Variants in GPSM3 observed in about 807,000 individuals in gnomAD.
The protein encoded by GPSM3 is G protein-signaling modulator 3.
GPSM3 carries 16 observed loss-of-function variants against 20.4 expected under a neutral mutation model. That is an observed-to-expected ratio of 0.78 (90% CI 0.53 to 1.19). The LOEUF is 1.19. Ranked by LOEUF, GPSM3 falls within the 50% of genes most tolerant of loss-of-function variation. The pLI is 0.00. For synonymous variants in GPSM3, 70 were observed against 79.6 expected (o/e 0.88, Z 0.64); for missense variants, 177 against 204.6 (o/e 0.86, Z 0.82).
At position 32,191,380 on chromosome 6, in the gene GPSM3, TG is replaced by T; in HGVS notation, c.468del (p.Thr157HisfsTer7). ...GGGCTCAAGTCTCAGCAGGTGTGTG[TG>T]GGGGGCCGGGACCTTTGCTCCTCCA... is the stretch of plus-strand genomic sequence containing the variant. ...GRMEEQRSRP[P>X]THTC On this transcript the variant is annotated frameshift_variant, in exon 4 of 4. Transcript: ENST00000375040. LOFTEE classifies it high-confidence loss of function. The surrounding 1 kb of genome is among the most constrained non-coding windows in gnomAD (Gnocchi z 5.9). 1 of 1,584,410 alleles carries T rather than the reference TG, an allele frequency of 6.3e-7. No homozygotes were observed. The highest frequency in any genetic ancestry group is 8.5e-7 in the Non-Finnish European group (1 of 1,170,028).
At position 32,191,181 on chromosome 6, in the gene GPSM3, G is replaced by T; in HGVS notation, c.*185C>A. On this transcript the variant is annotated 3_prime_UTR_variant, in exon 4 of 4. Coordinates refer to ENST00000375040, the MANE Select transcript of GPSM3 (RefSeq NM_001276501.2). The surrounding 1 kb of genome is among the most constrained non-coding windows in gnomAD (Gnocchi z 5.9). ...GTTAAATCCCTGTTCCATCTCGCCT[G>T]TTCCCAGAGTTTGAGGACTTTCACC... 1.5e-6 allele frequency: 1 copy of T among 685,778 alleles called. No individual in the cohort carries two copies. The highest frequency in any genetic ancestry group is 2.3e-6 in the Non-Finnish European group (1 of 432,722). 42.5% of individuals were successfully genotyped at this position (685,778 alleles called of 1,614,324 possible).
Position 32,191,858 on chromosome 6 carries a change from G to A in GPSM3, c.196C>T (p.Leu66=). The A allele has an allele frequency of 6.2e-7, 1 of 1,612,116 alleles. No individual in the cohort carries two copies. The highest frequency in any genetic ancestry group is 1.1e-5 in the South Asian group (1 of 91,040). ...SLLSLQTELL[L]DLVAEAQSRR... The stretch of plus-strand genomic sequence containing the variant: ...GACTGGGCTTCAGCCACCAGGTCCA[G>A]AAGGAGTTCAGTCTGCAGGGAGAGC... The change falls in exon 3 of 4, where the codon CTG becomes TTG. Residue 66 remains leucine, a synonymous_variant. Coordinates refer to ENST00000375040, the MANE Select transcript of GPSM3 (RefSeq NM_001276501.2). The surrounding 1 kb of genome is among the most constrained non-coding windows in gnomAD (Gnocchi z 5.9).
Position 32,192,567 on chromosome 6 carries a change from G to A in GPSM3, c.-54C>T, listed in dbSNP as rs965954611. 1.4e-6 allele frequency: 2 copies of A among 1,469,806 alleles called. No individual in the cohort carries two copies. The highest frequency in any genetic ancestry group is 1.4e-5 in the African/African-American group (1 of 71,992). 91.0% of individuals were successfully genotyped at this position (1,469,806 alleles called of 1,614,324 possible). A position where few individuals can be genotyped will look rare whatever the true frequency, so the allele number is the denominator to read the frequency against. ...GGGGTGGCTGGGATTTGGGAGGAGG[G>A]CTGGAACCTTGGGTTCCTGAGGGGA... On this transcript the variant is annotated 5_prime_UTR_variant, in exon 1 of 4. Coordinates refer to ENST00000375040, the MANE Select transcript of GPSM3 (RefSeq NM_001276501.2). The surrounding 1 kb of genome is among the most constrained non-coding windows in gnomAD (Gnocchi z 5.1).
Position 32,191,438 on chromosome 6 carries a change from C to A in GPSM3, c.411G>T (p.Glu137Asp). The stretch of plus-strand genomic sequence containing the variant: ...CCCCACCCTGAACTCTCAGCAGCAA[C>A]TCCAGGAGCTCTTGCCCCCCTGGAG... ...PLPPGGQELL[E>D]LLLRVQGGGR... Residue 137 changes from glutamate to aspartate, a missense_variant, in exon 4 of 4, where the codon GAG (glutamate) becomes GAT (aspartate). Physicochemically the swap from Glu to Asp is conservative, Grantham distance 45 (BLOSUM62 2). Transcript: ENST00000375040. The surrounding 1 kb of genome is among the most constrained non-coding windows in gnomAD (Gnocchi z 5.9). 1 of 1,593,808 alleles carries A rather than the reference C, an allele frequency of 6.3e-7. No homozygotes were observed. The highest frequency in any genetic ancestry group is 1.1e-5 in the South Asian group (1 of 88,682).
chr6:32,194,715 C>T (rs1433622667), upstream of GPSM3: 1 of 205,342 alleles, frequency 4.9e-6, no homozygotes, highest in Non-Finnish European at 1.0e-5. This position sits in a 1 kb window ranked among gnomAD's most constrained non-coding sequence, Gnocchi z 4.5. Context: ...TATACTTATT[C>T]TTGCTTTTAA....
chr6:32,193,307 C>G (rs1283274603), upstream of GPSM3, among the ~76,000 whole-genome samples: 2 of 152,062 alleles, frequency 1.3e-5, no homozygotes, highest in East Asian at 3.9e-4. The surrounding 1 kb of genome is among the most constrained non-coding windows in gnomAD (Gnocchi z 4.7). Context: ...GGAGACCAGC[C>G]TGGGGAACAT....
chr6:32,191,677 G>T lies in GPSM3; in HGVS notation c.345+32C>A. Reference sequence around the variant, plus strand: ...AGAACAGGGGCCAAGAGACCAGGAGGCCTGGGTTTGCCTCCTGGGGGGATG... The same window carrying T: ...AGAACAGGGGCCAAGAGACCAGGAGTCCTGGGTTTGCCTCCTGGGGGGATG... On this transcript the variant is annotated intron_variant, in intron 3 of 3. Transcript: ENST00000375040. This position sits in a 1 kb window ranked among gnomAD's most constrained non-coding sequence, Gnocchi z 5.9. The T allele has an allele frequency of 6.4e-7, 1 of 1,552,028 alleles. No homozygotes were observed. The highest frequency in any genetic ancestry group is 8.8e-7 in the Non-Finnish European group (1 of 1,138,936).
upstream of GPSM3, chr6:32,194,783 CATT>C: frequency 4.3e-6 from 1 of 230,178 alleles, no homozygotes; most frequent in Non-Finnish European, 8.6e-6. The surrounding 1 kb of genome is among the most constrained non-coding windows in gnomAD (Gnocchi z 4.5). Context: ...AAAATGCTGA[CATT>C]ATGCAGTCAC....
At position 32,192,553 on chromosome 6, in the gene GPSM3, G is replaced by A. The variant is rs745945548; in HGVS notation, c.-40C>T. 2.3e-6 allele frequency: 3 copies of A among 1,284,300 alleles called. No homozygotes were observed. In the South Asian group the frequency reaches 3.7e-5, roughly 16 times the overall value. 79.6% of individuals were successfully genotyped at this position (1,284,300 alleles called of 1,614,324 possible). ...AAACTGGTGGGGGAGGGGTGGCTGG[G>A]ATTTGGGAGGAGGGCTGGAACCTTG... is the stretch of plus-strand genomic sequence containing the variant. On this transcript the variant is annotated 5_prime_UTR_variant, in exon 1 of 4. Transcript: ENST00000375040. The surrounding 1 kb of genome is among the most constrained non-coding windows in gnomAD (Gnocchi z 5.1).
rs1787564250 is a variant in GPSM3 at position 32,192,074 on chromosome 6, A to G, written c.145+74T>C. 6.9e-6 allele frequency: 9 copies of G among 1,311,894 alleles called. No individual in the cohort carries two copies. The Admixed American group carries it at 1.7e-4, about 25-fold the overall frequency. The allele number at this position is 1,311,894 out of a possible 1,614,324, so 81.3% of individuals were successfully genotyped here. Reference sequence around the variant, plus strand: ...GGAGGAGGTGGGGAGAGGGCCCACAATGGAGTGGGCCTTGGTAATGGGGTC... The same window carrying G: ...GGAGGAGGTGGGGAGAGGGCCCACAGTGGAGTGGGCCTTGGTAATGGGGTC... On this transcript the variant is annotated intron_variant, in intron 2 of 3. Transcript: ENST00000375040. This position sits in a 1 kb window ranked among gnomAD's most constrained non-coding sequence, Gnocchi z 5.1.
chr6:32,191,588 G>C lies in GPSM3; in HGVS notation c.346-85C>G, dbSNP rs1026790229. The C allele has an allele frequency of 1.5e-5, 23 of 1,499,404 alleles. No homozygotes were observed. Among genetic ancestry groups the C allele is most frequent in the African/African-American group, 2.8e-5 (2 of 71,302 alleles). 92.9% of individuals were successfully genotyped at this position (1,499,404 alleles called of 1,614,324 possible). On this transcript the variant is annotated intron_variant, in intron 3 of 3. Transcript: ENST00000375040. This position sits in a 1 kb window ranked among gnomAD's most constrained non-coding sequence, Gnocchi z 5.9. ...AGAGGATCAAGGGTTGGTATGGGGA[G>C]GCATATAGGAAACCTGTGAAGGCGA...
In GPSM3 at chr6:32,191,250, G is replaced by A; in HGVS notation, c.*116C>T. ...AGGTGATGTGGGAGATGAATATTGA[G>A]ATTTGTGCCGTGTCTTTCAGTCTCT... On this transcript the variant is annotated 3_prime_UTR_variant, in exon 4 of 4. Coordinates refer to ENST00000375040, the MANE Select transcript of GPSM3 (RefSeq NM_001276501.2). The surrounding 1 kb of genome is among the most constrained non-coding windows in gnomAD (Gnocchi z 5.9). 8.0e-7 allele frequency: 1 copy of A among 1,242,954 alleles called. No individual in the cohort carries two copies. The highest frequency in any genetic ancestry group is 1.1e-6 in the Non-Finnish European group (1 of 905,086). 77.0% of individuals were successfully genotyped at this position (1,242,954 alleles called of 1,614,324 possible).
chr6:32,195,112 A>G, upstream of GPSM3: 1 of 358,970 alleles, frequency 2.8e-6, no homozygotes, highest in Non-Finnish European at 5.1e-6. The surrounding 1 kb of genome is among the most constrained non-coding windows in gnomAD (Gnocchi z 5.4). Flanking sequence ...AACCATATAT[A>G]GGAAAGAACA....
At position 32,191,214 on chromosome 6, in the gene GPSM3, G is replaced by T; in HGVS notation, c.*152C>A. On this transcript the variant is annotated 3_prime_UTR_variant, in exon 4 of 4. Coordinates refer to ENST00000375040, the MANE Select transcript of GPSM3 (RefSeq NM_001276501.2). The surrounding 1 kb of genome is among the most constrained non-coding windows in gnomAD (Gnocchi z 5.9). Reference sequence around the variant, plus strand: ...AGTTTGAGGACTTTCACCCTGTCCAGTTCCCAGGGAAGGTGATGTGGGAGA... The same window carrying T: ...AGTTTGAGGACTTTCACCCTGTCCATTTCCCAGGGAAGGTGATGTGGGAGA... 3 of 957,768 alleles carry T rather than the reference G, an allele frequency of 3.1e-6. No individual in the cohort carries two copies. The highest frequency in any genetic ancestry group is 4.5e-6 in the Non-Finnish European group (3 of 665,660). 59.3% of individuals were successfully genotyped at this position (957,768 alleles called of 1,614,324 possible).
In GPSM3 at chr6:32,191,791, T is replaced by G. The variant is rs755488550; in HGVS notation, c.263A>C (p.Gln88Pro). The change falls in exon 3 of 4, where the codon CAA becomes CCA. Residue 88 changes from glutamine to proline, a missense_variant. Gln to Pro is a moderately conservative substitution (Grantham distance 76). Coordinates refer to ENST00000375040, the MANE Select transcript of GPSM3 (RefSeq NM_001276501.2). This position sits in a 1 kb window ranked among gnomAD's most constrained non-coding sequence, Gnocchi z 5.9. ...EEQRATFYTPQNPSSLAPAPL... is the reference protein window; with the variant it reads ...EEQRATFYTPPNPSSLAPAPL... ...GGCAGGGGCTAGGCTTGAGGGGTTT[T>G]GGGGGGTGTAGAAGGTGGCCCTCTG... is the stretch of plus-strand genomic sequence containing the variant. 6.2e-7 allele frequency: 1 copy of G among 1,611,770 alleles called. No homozygotes were observed.
rs761972681 is a variant in GPSM3 at position 32,191,754 on chromosome 6, A to G, written c.300T>C (p.Pro100=). The change falls in exon 3 of 4, where the codon CCT becomes CCC. Residue 100 remains proline (P), a synonymous_variant. Coordinates refer to ENST00000375040, the MANE Select transcript of GPSM3 (RefSeq NM_001276501.2). This position sits in a 1 kb window ranked among gnomAD's most constrained non-coding sequence, Gnocchi z 5.9. ...PSSLAPAPLR[P]LEDREQLYST... ...TGTAAAGCTGTTCTCTGTCCTCGAG[A>G]GGACGGAGTGGGGCAGGGGCTAGGC... 1.1e-5 allele frequency: 17 copies of G among 1,612,472 alleles called. No individual in the cohort carries two copies. The highest frequency in any genetic ancestry group is 1.0e-4 in the Admixed American group (6 of 59,990).
In GPSM3 at chr6:32,191,540, G is replaced by T; in HGVS notation, c.346-37C>A. On this transcript the variant is annotated intron_variant, in intron 3 of 3. Transcript: ENST00000375040. The surrounding 1 kb of genome is among the most constrained non-coding windows in gnomAD (Gnocchi z 5.9). ...GAGGGAGAGGGAGAGCTTTGGTGAG[G>T]GTCTGAGAGGAGGAGGTTCTTGAGA... The T allele has an allele frequency of 6.5e-7, 1 of 1,527,954 alleles. No individual in the cohort carries two copies. Among genetic ancestry groups the T allele is most frequent in the Non-Finnish European group, 8.8e-7 (1 of 1,138,560 alleles). The allele number at this position is 1,527,954 out of a possible 1,614,324, so 94.6% of individuals were successfully genotyped here.
upstream of GPSM3, chr6:32,192,725 A>G: frequency 2.2e-6 from 1 of 455,020 alleles, no homozygotes. This position sits in a 1 kb window ranked among gnomAD's most constrained non-coding sequence, Gnocchi z 5.1. Flanking sequence ...TTCCCACCCA[A>G]ACAGCTTGTT....
chr6:32,192,691 TC>T, upstream of GPSM3: 1 of 466,790 alleles, frequency 2.1e-6, no homozygotes, highest in Admixed American at 3.8e-5. The surrounding 1 kb of genome is among the most constrained non-coding windows in gnomAD (Gnocchi z 5.1). Flanking sequence ...GCCCCGCCCA[TC>T]CCTGTCAACT....
Sources: allele counts gnomAD v4.1 joint callset (sites outside exome capture counted in the v4.1 genomes callset), GRCh38; gene constraint gnomAD v4.1.1; non-coding constraint Gnocchi (gnomAD v3.1); transcripts MANE v1.5; gene names NCBI Gene and HGNC (gene_info 2026-07-23, HGNC 2026-07-21).